KIAA1217: variants seen among roughly 807,000 people sequenced by gnomAD.
KIAA1217 encodes KIAA1217.
A neutral mutation model predicts 163.9 loss-of-function variants in KIAA1217; 88 were observed. The observed-to-expected ratio is 0.54, with a 90% CI of 0.45 to 0.64. The LOEUF (loss-of-function observed/expected upper bound fraction) is 0.64. KIAA1217 is among the 30% of genes least tolerant of loss of function. KIAA1217 has a pLI of 0.00. For missense variants in KIAA1217, 2,372 were observed against 2,475.0 expected, an observed-to-expected ratio of 0.96 and a Z score of 0.88; for synonymous variants, 903 against 923.1, an observed-to-expected ratio of 0.98 and a Z score of 0.39.
chr10:23,899,522 T>C (rs1445629872), intron 1 of KIAA1217, among the ~76,000 whole-genome samples: 2 of 152,104 alleles, frequency 1.3e-5, no homozygotes, highest in Admixed American at 1.3e-4. Context: ...GAAAGTATTC[T>C]ATATCCAGAC....
chr10:24,001,366 C>G (rs1846736968), intron 1 of KIAA1217, among the ~76,000 whole-genome samples: 1 of 152,126 alleles, frequency 6.6e-6, no homozygotes, highest in Admixed American at 6.5e-5. Flanking sequence ...GTGAGAAACA[C>G]AAAATGAGTA....
intron 2 of KIAA1217, among the ~76,000 whole-genome samples, chr10:24,302,001 C>T (rs1372734164): frequency 3.3e-5 from 5 of 152,144 alleles, no homozygotes; most frequent in South Asian, 2.1e-4. Flanking sequence ...GCCGAGATCA[C>T]GCCACTGCAC....
intron 1 of KIAA1217, among the ~76,000 whole-genome samples, chr10:23,897,649 G>A (rs189675609): frequency 3.3e-5 from 5 of 152,196 alleles, no homozygotes; most frequent in Admixed American, 2.6e-4. Flanking sequence ...GAACCGAGGA[G>A]TGTAAAACCA....
chr10:24,143,669 G>A (rs993205353), intron 2 of KIAA1217, among the ~76,000 whole-genome samples: 7 of 152,126 alleles, frequency 4.6e-5, no homozygotes, highest in African/African-American at 7.2e-5. Flanking sequence ...TAGCTAATCT[G>A]CCTAGTGTAT....
chr10:24,168,927 A>C (rs2065486265), intron 2 of KIAA1217, among the ~76,000 whole-genome samples: 1 of 152,110 alleles, frequency 6.6e-6, no homozygotes, highest in African/African-American at 2.4e-5. Context: ...GCTTAAGTTC[A>C]CTCTTAGGTG....
intron 2 of KIAA1217, among the ~76,000 whole-genome samples, chr10:24,123,042 C>A (rs1347763924): frequency 6.6e-6 from 1 of 151,780 alleles, no homozygotes; most frequent in Non-Finnish European, 1.5e-5. Flanking sequence ...ATTCTTTTCT[C>A]TCCCCCTTCC....
At chr10:24,386,866 A>G (rs2054080677) in intron 3 of KIAA1217, among the ~76,000 whole-genome samples, 1 of 152,240 alleles carries the variant, frequency 6.6e-6, no homozygotes, top group Non-Finnish European at 1.5e-5. Context: ...GGCATGGGCC[A>G]CTGCACCTGG....
At position 24,500,531 on chromosome 10, in the gene KIAA1217, T is replaced by C. The variant is rs555981566; in HGVS notation, c.1835-848T>C. Among the ~76,000 whole-genome samples, 1,356 of 152,248 alleles carry C rather than the reference T, an allele frequency of 8.9e-3. 9 individuals are homozygous for C. The highest frequency in any genetic ancestry group is 0.015 in the Non-Finnish European group (1,000 of 68,026). The stretch of plus-strand genomic sequence containing the variant: ...AGAATTTTTGCATCTTGCCTTATTT[T>C]CTTACTAAAGGAGTTGTGTGCAGAT... On this transcript the variant is annotated intron_variant, in intron 8 of 20. Coordinates refer to ENST00000376454, the MANE Select transcript of KIAA1217 (RefSeq NM_019590.5).
intron 3 of KIAA1217, among the ~76,000 whole-genome samples, chr10:24,417,859 A>T (rs78684753): frequency 1.4e-5 from 2 of 147,910 alleles, no homozygotes; most frequent in African/African-American, 2.5e-5. Context: ...GAATAGCTTG[A>T]TTTTTTTTTT....
At chr10:24,069,138 G>A (rs1364961784) in intron 2 of KIAA1217, among the ~76,000 whole-genome samples, 1 of 152,200 alleles carries the variant, frequency 6.6e-6, no homozygotes. Flanking sequence ...TCATGGGCTA[G>A]TTCAAACCAC....
intron 2 of KIAA1217, among the ~76,000 whole-genome samples, chr10:24,326,799 C>A (rs1433603071): frequency 6.6e-6 from 1 of 151,888 alleles, no homozygotes. Flanking sequence ...ATACTGACCC[C>A]CAAAACCCTT....
In KIAA1217 at chr10:24,171,977, G is replaced by A. The variant is rs867489566; in HGVS notation, c.-170-47649G>A. Among the ~76,000 whole-genome samples, 10 of 152,244 alleles carry A rather than the reference G, an allele frequency of 6.6e-5. No individual in the cohort carries two copies. In the Middle Eastern group the frequency reaches 0.01, roughly 155 times the overall value. On this transcript the variant is annotated intron_variant, in intron 2 of 18. Coordinates refer to the KIAA1217 transcript ENST00000376462. The stretch of plus-strand genomic sequence containing the variant: ...CATCCTCACAACATCCTCTGAGGTT[G>A]GGGCTATTATTATCCCCATTTAAAC...
chr10:24,069,126 G>T (rs1004820741), intron 2 of KIAA1217, among the ~76,000 whole-genome samples: 2 of 152,208 alleles, frequency 1.3e-5, no homozygotes, highest in African/African-American at 4.8e-5. Context: ...TACGGCAAGT[G>T]TTCATGGGCT....
intron 2 of KIAA1217, among the ~76,000 whole-genome samples, chr10:24,291,208 G>GAT (rs2079056660): frequency 6.6e-6 from 1 of 152,130 alleles, no homozygotes; most frequent in Non-Finnish European, 1.5e-5. Context: ...TCCCCTGTGG[G>GAT]ATATGACCAA....
At chr10:23,977,543 G>C (rs998143420) in intron 1 of KIAA1217, among the ~76,000 whole-genome samples, 1 of 152,106 alleles carries the variant, frequency 6.6e-6, no homozygotes, top group African/African-American at 2.4e-5. Context: ...CAAGAAAAAA[G>C]AAGGAATGAG....
At chr10:23,716,870 C>T (rs1191087112) in intron 1 of KIAA1217, among the ~76,000 whole-genome samples, 1 of 151,868 alleles carries the variant, frequency 6.6e-6, no homozygotes, top group African/African-American at 2.4e-5. Context: ...CACGTTTTTT[C>T]TTTGTCATCA....
chr10:24,179,029 G>A (rs1357090308), intron 2 of KIAA1217, among the ~76,000 whole-genome samples: 1 of 152,052 alleles, frequency 6.6e-6, no homozygotes, highest in East Asian at 1.9e-4. Context: ...CAGTGGCTGG[G>A]GTCTGTGAAT....
At chr10:23,850,787 G>C (rs1049933985) in intron 1 of KIAA1217, among the ~76,000 whole-genome samples, 1 of 152,076 alleles carries the variant, frequency 6.6e-6, no homozygotes, top group Admixed American at 6.6e-5. Context: ...AAGCATGGCT[G>C]GGGAGGCTTC....
chr10:23,948,830 A>G (rs1239432147), intron 1 of KIAA1217, among the ~76,000 whole-genome samples: 1 of 152,154 alleles, frequency 6.6e-6, no homozygotes, highest in Non-Finnish European at 1.5e-5. Context: ...GCAACATTTA[A>G]AACCTGGTTA....
Sources: gnomAD v4.1 joint callset for allele counts (sites outside exome capture counted in the v4.1 genomes callset) on GRCh38, gnomAD v4.1.1 for gene constraint, MANE v1.5 for transcripts, NCBI Gene and HGNC (gene_info 2026-07-23, HGNC 2026-07-21) for gene names.